The following PTP4A3 variants were observed in gnomAD, a reference collection of about 807,000 sequenced individuals.
The protein encoded by PTP4A3 is protein tyrosine phosphatase 4A3.
A neutral mutation model predicts 15.2 loss-of-function variants in PTP4A3; 9 were observed. The observed-to-expected ratio is 0.59, with a 90% CI of 0.36 to 1.03. PTP4A3 has a LOEUF of 1.03. Ranked by LOEUF, PTP4A3 falls within the 50% of genes least tolerant of loss-of-function variation. The pLI is 0.02. For synonymous variants in PTP4A3, 95 were observed against 102.0 expected, an observed-to-expected ratio of 0.93 and a Z score of 0.41; for missense variants, 234 against 252.1, an observed-to-expected ratio of 0.93 and a Z score of 0.49.
rs1294599516 is a variant in PTP4A3 at position 141,425,125 on chromosome 8, T to C, written c.183T>C (p.Asp61=). ...VTYDKTPLEK[D]GITVVDWPFD... ...ATGACAAAACGCCGCTGGAGAAGGA[T>C]GGCATCACCGTTGTGGTGAGGCGCG... is the stretch of plus-strand genomic sequence containing the variant. Residue 61 remains aspartate, a synonymous_variant, in exon 3 of 6, where the codon GAT becomes GAC. Coordinates refer to ENST00000521578, the MANE Select transcript of PTP4A3 (RefSeq NM_032611.3). The surrounding 1 kb of genome is among the most constrained non-coding windows in gnomAD (Gnocchi z 4.2). 2.7e-6 allele frequency: 4 copies of C among 1,477,574 alleles called. No homozygotes were observed. In the Admixed American group the frequency reaches 7.2e-5, roughly 27 times the overall value. 91.5% of individuals were successfully genotyped at this position (1,477,574 alleles called of 1,614,324 possible).
At chr8:141,423,719 G>T (rs910416437) in intron 2 of PTP4A3, among the ~76,000 whole-genome samples, 16 of 151,476 alleles carry the variant, frequency 1.1e-4, no homozygotes, top group African/African-American at 3.9e-4. Context: ...TGTGACCAGG[G>T]TCGAAGCTCA....
chr8:141,422,055 C>G lies in PTP4A3; in HGVS notation c.-186C>G. The G allele has an allele frequency of 3.6e-6, 2 of 548,206 alleles. No individual in the cohort carries two copies. The highest frequency in any genetic ancestry group is 3.2e-6 in the Non-Finnish European group (1 of 312,930). The allele number at this position is 548,206 out of a possible 1,614,324, so 34.0% of individuals were successfully genotyped here. ...TCCAAACAGTGGGCAGCTTCCTCCC[C>G]CACACCCAAGTATTTGCACAATATT... On this transcript the variant is annotated 5_prime_UTR_variant, in exon 2 of 6. Transcript: ENST00000521578.
chr8:141,405,538 C>T (rs1198276072), intron 1 of PTP4A3, among the ~76,000 whole-genome samples: 1 of 152,256 alleles, frequency 6.6e-6, no homozygotes. Flanking sequence ...TCAGCATCCT[C>T]ATCCATCACT....
At position 141,406,187 on chromosome 8, in the gene PTP4A3, G is replaced by A. The variant is rs1195281153; in HGVS notation, c.-854+14103G>A. ...CTTGGTGACCCTCGGTAGCCCCTCT[G>A]GGCGGTGGCTTTAGGCATCTGGGCT... On this transcript the variant is annotated intron_variant, in intron 1 of 5. Coordinates refer to ENST00000521578, the MANE Select transcript of PTP4A3 (RefSeq NM_032611.3). This position sits in a 1 kb window ranked among gnomAD's most constrained non-coding sequence, Gnocchi z 4.5. Among the ~76,000 whole-genome samples the A allele has an allele frequency of 6.6e-6, 1 of 152,174 alleles. No homozygotes were observed. Among genetic ancestry groups the A allele is most frequent in the Non-Finnish European group, 1.5e-5 (1 of 68,018 alleles).
chr8:141,414,102 CTG>C (rs1209060965), intron 1 of PTP4A3, among the ~76,000 whole-genome samples: 1 of 152,070 alleles, frequency 6.6e-6, no homozygotes, highest in Non-Finnish European at 1.5e-5. Context: ...GCACACATCT[CTG>C]TGTATGCAGG....
chr8:141,401,881 C>G (rs570331215), intron 1 of PTP4A3, among the ~76,000 whole-genome samples: 3 of 152,220 alleles, frequency 2.0e-5, no homozygotes, highest in Admixed American at 6.5e-5. Flanking sequence ...ACCCCTCCCC[C>G]GCTGTGGCCC....
intron 1 of PTP4A3, among the ~76,000 whole-genome samples, chr8:141,413,776 G>A (rs997780667): frequency 6.6e-6 from 1 of 152,234 alleles, no homozygotes; most frequent in African/African-American, 2.4e-5. Context: ...CAGGGTTGCC[G>A]CAGGGAGGGC....
At chr8:141,418,204 G>A (rs1174630827) in intron 1 of PTP4A3, among the ~76,000 whole-genome samples, 5 of 152,192 alleles carry the variant, frequency 3.3e-5, no homozygotes, top group Non-Finnish European at 7.4e-5. Context: ...GCCCGCCTCA[G>A]CCCTGACCGC....
intron 1 of PTP4A3, among the ~76,000 whole-genome samples, chr8:141,398,011 C>T (rs1465153186): frequency 4.6e-5 from 7 of 152,184 alleles, no homozygotes; most frequent in Admixed American, 2.6e-4. Context: ...GGGAGGGAGG[C>T]GTCTGCCTGA....
At chr8:141,422,967 C>G (rs1457629560) in intron 2 of PTP4A3, among the ~76,000 whole-genome samples, 1 of 152,216 alleles carries the variant, frequency 6.6e-6, no homozygotes, top group Non-Finnish European at 1.5e-5. Context: ...CCTGGAGGAG[C>G]CTGGCCTCTG....
rs548620417 is a variant in PTP4A3, at chr8:141,406,024, A to G, written c.-854+13940A>G. Among the ~76,000 whole-genome samples the G allele has an allele frequency of 6.6e-6, 1 of 151,968 alleles. No individual in the cohort carries two copies. Among genetic ancestry groups the G allele is most frequent in the African/African-American group, 2.4e-5 (1 of 41,424 alleles). ...GCTCGCGTGGGGCCTTTAGGGCGAT[A>G]AGGATTTTTGGCTTTCCTGAGTGAC... is the stretch of plus-strand genomic sequence containing the variant. On this transcript the variant is annotated intron_variant, in intron 1 of 5. Coordinates refer to ENST00000521578, the MANE Select transcript of PTP4A3 (RefSeq NM_032611.3). This position sits in a 1 kb window ranked among gnomAD's most constrained non-coding sequence, Gnocchi z 4.5.
At chr8:141,423,936 C>T (rs1280390783) in intron 2 of PTP4A3, among the ~76,000 whole-genome samples, 2 of 150,980 alleles carry the variant, frequency 1.3e-5, no homozygotes, top group Non-Finnish European at 1.5e-5. Context: ...AGCACGTGAT[C>T]AGGATTAGGG....
At chr8:141,430,096 TGGCGGGGACAG>T in intron 5 of PTP4A3, among the ~76,000 whole-genome samples, 1 of 144,098 alleles carries the variant, frequency 6.9e-6, no homozygotes, top group Admixed American at 6.8e-5. Flanking sequence ...AAGGACCAGG[TGGCGGGGACAG>T]GGTGAGCGTA....
Position 141,421,303 on chromosome 8 carries a change from G to A in PTP4A3, c.-853-85G>A, listed in dbSNP as rs1833316904. 3 of 152,272 alleles carry A rather than the reference G, an allele frequency of 2.0e-5. No individual in the cohort carries two copies. The South Asian group carries it at 6.2e-4, about 32-fold the overall frequency. The allele number at this position is 152,272 out of a possible 1,614,324, so 9.4% of individuals were successfully genotyped here. A position where few individuals can be genotyped will look rare whatever the true frequency, so the allele number is the denominator to read the frequency against. ...TGGGAGAGGTGTCGCCTGTGACTGT[G>A]GGCTCATGACAGGCATGAACCCCTT... On this transcript the variant is annotated intron_variant, in intron 1 of 5. Coordinates refer to ENST00000521578, the MANE Select transcript of PTP4A3 (RefSeq NM_032611.3).
intron 1 of PTP4A3, among the ~76,000 whole-genome samples, chr8:141,404,759 G>C (rs955613626): frequency 6.6e-6 from 1 of 152,198 alleles, no homozygotes; most frequent in African/African-American, 2.4e-5. Flanking sequence ...CAGCCATGGG[G>C]TGCGTGGGGA....
intron 1 of PTP4A3, among the ~76,000 whole-genome samples, chr8:141,417,752 C>A (rs1041032805): frequency 6.6e-6 from 1 of 152,000 alleles, no homozygotes; most frequent in Non-Finnish European, 1.5e-5. Context: ...GCTTCCTCTT[C>A]CCCGCGCCCG....
At chr8:141,427,330 C>G (rs1017132400) in intron 4 of PTP4A3, among the ~76,000 whole-genome samples, 27 of 152,306 alleles carry the variant, frequency 1.8e-4, no homozygotes, top group South Asian at 4.1e-4. Context: ...TGCCGTCCCC[C>G]TCTCCAGACA....
Position 141,406,984 on chromosome 8 carries a change from C to T in PTP4A3, c.-853-14404C>T, listed in dbSNP as rs548058885. On this transcript the variant is annotated intron_variant, in intron 1 of 5. Coordinates refer to ENST00000521578, the MANE Select transcript of PTP4A3 (RefSeq NM_032611.3). This position sits in a 1 kb window ranked among gnomAD's most constrained non-coding sequence, Gnocchi z 4.5. Reference sequence around the variant, plus strand: ...ATGCCACCTTCACCTTCTGGATTCTCTCCAGGGGAGGAGGTCAGGCCCTTG... The same window carrying T: ...ATGCCACCTTCACCTTCTGGATTCTTTCCAGGGGAGGAGGTCAGGCCCTTG... Among the ~76,000 whole-genome samples, 17 of 152,372 alleles carry T rather than the reference C, an allele frequency of 1.1e-4. No homozygotes were observed. The South Asian group carries it at 3.5e-3, about 32-fold the overall frequency.
chr8:141,419,826 G>A (rs1323948692), intron 1 of PTP4A3, among the ~76,000 whole-genome samples: 4 of 152,122 alleles, frequency 2.6e-5, no homozygotes, highest in South Asian at 2.1e-4. Context: ...TGATCCGCCC[G>A]CCTTGGCCTC....
Sources: gnomAD v4.1 joint callset for allele counts (sites outside exome capture counted in the v4.1 genomes callset) on GRCh38, gnomAD v4.1.1 for gene constraint, Gnocchi (gnomAD v3.1) non-coding constraint, MANE v1.5 for transcripts, NCBI Gene and HGNC (gene_info 2026-07-23, HGNC 2026-07-21) for gene names.